COPZ1: variants seen among roughly 807,000 people sequenced by gnomAD.
COPZ1 encodes coatomer subunit zeta-1.
Under a neutral mutation model 31.7 loss-of-function variants are expected in COPZ1, and 4 were observed. The observed-to-expected ratio is 0.13, with a 90% CI of 0.06 to 0.29. The LOEUF (loss-of-function observed/expected upper bound fraction) is 0.29. Ranked by LOEUF, COPZ1 falls within the 10% of genes least tolerant of loss-of-function variation. The probability of loss-of-function intolerance (pLI) is 1.00; values close to 1 mark genes in which losing one functional copy is unlikely to be tolerated. For missense variants in COPZ1, 156 were observed against 211.5 expected (o/e 0.74, Z 1.63); for synonymous variants, 74 against 79.0 (o/e 0.94, Z 0.33).
At chr12:54,337,445 C>T in intron 1 of COPZ1, 2 of 346,584 alleles carry the variant, frequency 5.8e-6, no homozygotes, top group Middle Eastern at 4.5e-4. Flanking sequence ...AGTCCATTGT[C>T]CTGGAAGCCC....
At chr12:54,347,969 G>C in intron 6 of COPZ1, 31 bp from the exon 7 acceptor site, 1 of 1,612,418 alleles carries the variant, frequency 6.2e-7, no homozygotes, top group Non-Finnish European at 8.5e-7. Context: ...TCGGGACAGA[G>C]TGAACAATGA....
At chr12:54,325,341 T>TAA (rs1337947406) in intron 1 of COPZ1, 160 bp downstream of exon 1, 4 of 1,005,100 alleles carry the variant, frequency 4.0e-6, no homozygotes, top group Non-Finnish European at 1.4e-6. Flanking sequence ...GTGTAGGAGC[T>TAA]AAAGCCTTGG....
chr12:54,337,095 G>A, intron 1 of COPZ1: 1 of 473,754 alleles, frequency 2.1e-6, no homozygotes, highest in Non-Finnish European at 4.1e-6. Flanking sequence ...TGCTTGTTCT[G>A]TGGTGTTTCA....
intron 1 of COPZ1, among the ~76,000 whole-genome samples, chr12:54,329,532 C>T (rs898290462): frequency 1.3e-5 from 2 of 151,932 alleles, no homozygotes; most frequent in East Asian, 1.9e-4. Context: ...TGCAGTGAGC[C>T]GAGGGCCATT....
At chr12:54,339,698 T>C (rs1465290983) in intron 1 of COPZ1, among the ~76,000 whole-genome samples, 3 of 151,996 alleles carry the variant, frequency 2.0e-5, no homozygotes, top group Non-Finnish European at 4.4e-5. Flanking sequence ...AGTGATATAC[T>C]TACAGTTGAA....
intron 3 of COPZ1, 64 bp from the exon 4 acceptor site, chr12:54,343,161 A>G: frequency 7.7e-7 from 1 of 1,295,970 alleles, no homozygotes; most frequent in Non-Finnish European, 1.1e-6. Flanking sequence ...CTGGCTGGTA[A>G]CTCCTTCTTT....
intron 1 of COPZ1, chr12:54,340,297 G>A: frequency 1.9e-6 from 1 of 535,484 alleles, no homozygotes; most frequent in Non-Finnish European, 3.2e-6. Context: ...TAAGCCCCCT[G>A]TGAGTCAGAG....
intron 1 of COPZ1, among the ~76,000 whole-genome samples, chr12:54,328,136 C>CGT (rs1297613351): frequency 6.7e-6 from 1 of 150,220 alleles, no homozygotes; most frequent in African/African-American, 2.5e-5. Flanking sequence ...AATAGCTGGG[C>CGT]GTGGTGGCAC....
In COPZ1 at chr12:54,345,470, T is replaced by C; in HGVS notation, c.272T>C (p.Met91Thr). 6.2e-7 allele frequency: 1 copy of C among 1,613,402 alleles called. No individual in the cohort carries two copies. The highest frequency in any genetic ancestry group is 8.5e-7 in the Non-Finnish European group (1 of 1,179,374). The stretch of plus-strand genomic sequence containing the variant: ...TCTGTTTCCCAACAGCTGATGCTTA[T>C]GGCTGTTCTGAACTGTCTCTTCGAC... Reference protein sequence around the residue: ...GSSYENELMLMAVLNCLFDSL... With the variant: ...GSSYENELMLTAVLNCLFDSL... Residue 91 changes from methionine to threonine, a missense_variant, in exon 5 of 9, where the codon ATG becomes ACG. Transcript: ENST00000262061.
At chr12:54,333,303 C>T (rs1373433136) in intron 1 of COPZ1, among the ~76,000 whole-genome samples, 1 of 152,100 alleles carries the variant, frequency 6.6e-6, no homozygotes, top group Admixed American at 6.5e-5. Context: ...CCACATTGGC[C>T]TCCCAAAGTG....
At position 54,350,511 on chromosome 12, in the gene COPZ1, A is replaced by G; in HGVS notation, c.522A>G (p.Ser174=). The G allele has an allele frequency of 6.2e-7, 1 of 1,613,852 alleles. No individual in the cohort carries two copies. The highest frequency in any genetic ancestry group is 8.5e-7 in the Non-Finnish European group (1 of 1,179,822). The change falls in exon 9 of 9, where the codon TCA becomes TCG. Residue 174 remains serine (S), a synonymous_variant. Transcript: ENST00000262061. ...LQSAKEQIKW[S]LLR ...CAGCCAAAGAACAGATCAAGTGGTC[A>G]CTCCTTCGGTGAAGACCTCACTGTT...
At chr12:54,349,771 TC>T in intron 8 of COPZ1, 113 bp downstream of exon 8, 1 of 904,874 alleles carries the variant, frequency 1.1e-6, no homozygotes, top group East Asian at 2.4e-5. Flanking sequence ...AGACACATCT[TC>T]CTTGGCTCCC....
intron 1 of COPZ1, among the ~76,000 whole-genome samples, chr12:54,338,200 C>T (rs1953906117): frequency 6.6e-6 from 1 of 152,186 alleles, no homozygotes; most frequent in Non-Finnish European, 1.5e-5. Flanking sequence ...CAAAGATTTC[C>T]AGGAAAAGGT....
chr12:54,348,902 G>A (rs2137114414), intron 7 of COPZ1, among the ~76,000 whole-genome samples: 1 of 152,270 alleles, frequency 6.6e-6, no homozygotes, highest in South Asian at 2.1e-4. Context: ...GTCAGCTGAG[G>A]AGATAATGGT....
intron 1 of COPZ1, among the ~76,000 whole-genome samples, chr12:54,328,657 C>T (rs1953703389): frequency 1.3e-5 from 2 of 152,232 alleles, no homozygotes; most frequent in African/African-American, 4.8e-5. Context: ...TTTCAGCCTG[C>T]TTCTTCCTTA....
chr12:54,325,255 A>G lies in COPZ1; in HGVS notation c.18+74A>G, dbSNP rs1206547020. The G allele has an allele frequency of 3.3e-6, 5 of 1,509,228 alleles. No individual in the cohort carries two copies. In the Admixed American group the frequency reaches 6.5e-5, roughly 19 times the overall value. 93.5% of individuals were successfully genotyped at this position (1,509,228 alleles called of 1,614,324 possible). On this transcript the variant is annotated intron_variant, in intron 1 of 8. Coordinates refer to ENST00000262061, the MANE Select transcript of COPZ1 (RefSeq NM_016057.3). ...GGAGTCAGGGTTCAGCCCGAGTGGG[A>G]GACGGGGAAAGAGAGTTCCGGGTAA...
intron 1 of COPZ1, among the ~76,000 whole-genome samples, chr12:54,333,950 T>C (rs1241913927): frequency 6.6e-6 from 1 of 152,132 alleles, no homozygotes; most frequent in Non-Finnish European, 1.5e-5. Flanking sequence ...CAGAAATAAT[T>C]AGCAGGGTGT....
chr12:54,347,735 G>T, intron 5 of COPZ1, 32 bp from the exon 6 acceptor site: 1 of 1,592,088 alleles, frequency 6.3e-7, no homozygotes, highest in Non-Finnish European at 8.6e-7. Flanking sequence ...CATACAAGTT[G>T]GTTATTCTCT....
chr12:54,342,405 C>G (rs1357549860), intron 3 of COPZ1, 118 bp downstream of exon 3: 2 of 744,832 alleles, frequency 2.7e-6, no homozygotes, highest in Non-Finnish European at 4.7e-6. Flanking sequence ...TTTTTTCCTT[C>G]TTCCCCTTGT....
Sources: gnomAD v4.1 joint callset for allele counts (sites outside exome capture counted in the v4.1 genomes callset) on GRCh38, gnomAD v4.1.1 for gene constraint, MANE v1.5 for transcripts, NCBI Gene and HGNC (gene_info 2026-07-23, HGNC 2026-07-21) for gene names.